The following PCNT variants were observed in gnomAD, a reference collection of about 807,000 sequenced individuals.
PCNT encodes kendrin.
Under a neutral mutation model 380.4 loss-of-function variants are expected in PCNT, and 319 were observed. That is an observed-to-expected ratio of 0.84 (90% CI 0.77 to 0.92). The LOEUF is 0.92. Ranked by LOEUF, PCNT falls within the 40% of genes least tolerant of loss-of-function variation. The probability of loss-of-function intolerance (pLI) is 0.00; values close to 1 mark genes in which losing one functional copy is unlikely to be tolerated. For missense variants in PCNT, 4,400 were observed against 4,255.3 expected (o/e 1.03, Z -0.95); for synonymous variants, 1,845 against 1,735.2 (o/e 1.06, Z -1.57).
In PCNT at chr21:46,351,684, T is replaced by A. The variant is rs192232941; in HGVS notation, c.1456+144T>A. ...GTTTGACATCCTGAAGGTTGAGGTG[T>A]CTGGTTTGAAAGTGGAGGTTTGCTT... On this transcript the variant is annotated intron_variant, in intron 9 of 46. Coordinates refer to ENST00000359568, the MANE Select transcript of PCNT (RefSeq NM_006031.6). 3.8e-4 allele frequency: 269 copies of A among 703,970 alleles called. 1 individual carries two copies. The East Asian group carries it at 6.3e-3, about 17-fold the overall frequency. 43.6% of individuals were successfully genotyped at this position (703,970 alleles called of 1,614,324 possible). A position where few individuals can be genotyped will look rare whatever the true frequency, so the allele number is the denominator to read the frequency against.
At position 46,393,894 on chromosome 21, in the gene PCNT, C is replaced by T. The variant is rs545902776; in HGVS notation, c.4216+2518C>T. On this transcript the variant is annotated intron_variant, in intron 21 of 46. Transcript: ENST00000359568. ...ATAGCCTGGCTGGGCTCCCTGCAGG[C>T]CCCAGGATTGAAGCTGAGGCTTACC... Among the ~76,000 whole-genome samples the T allele has an allele frequency of 2.2e-4, 33 of 152,334 alleles. No homozygotes were observed. In the South Asian group the frequency reaches 5.2e-3, roughly 24 times the overall value.
chr21:46,384,246 G>T (rs1252248481), intron 16 of PCNT, among the ~76,000 whole-genome samples: 1 of 145,378 alleles, frequency 6.9e-6, no homozygotes, highest in South Asian at 2.3e-4. Context: ...TGGCGGAAGC[G>T]CATTCACAGT....
Position 46,356,986 on chromosome 21 carries a change from T to G in PCNT, c.1949T>G (p.Val650Gly), listed in dbSNP as rs767778411. The G allele has an allele frequency of 6.2e-7, 1 of 1,613,866 alleles. No individual in the cohort carries two copies. The highest frequency in any genetic ancestry group is 8.5e-7 in the Non-Finnish European group (1 of 1,179,872). The stretch of plus-strand genomic sequence containing the variant: ...CTTTTCCACACAGAGCTTCCCTGGG[T>G]GCATCTCCAGGGTGTGCAGGACGGG... ...SEGHSQELPW[V>G]HLQGVQDGDL... is the part of the protein sequence containing the mutation. Residue 650 changes from valine to glycine, a missense_variant, in exon 13 of 47, where the codon GTG becomes GGG. Coordinates refer to ENST00000359568, the MANE Select transcript of PCNT (RefSeq NM_006031.6).
rs748317231 is a variant in PCNT at position 46,363,680 on chromosome 21, C to A, written c.2355C>A (p.Ile785=). Residue 785 remains isoleucine, a synonymous_variant, in exon 14 of 47, where the codon ATC becomes ATA. Transcript: ENST00000359568. The part of the protein sequence containing the change: ...REKAESEKQT[I]INKFELREAE... ...AGGCTGAATCCGAGAAACAGACCATCATAAACAAGTTTGAGCTTCGAGAAG... is the reference window on the plus strand; with the variant it reads ...AGGCTGAATCCGAGAAACAGACCATAATAAACAAGTTTGAGCTTCGAGAAG... 6 of 1,614,228 alleles carry A rather than the reference C, an allele frequency of 3.7e-6. No homozygotes were observed. Among genetic ancestry groups the A allele is most frequent in the Non-Finnish European group, 5.1e-6 (6 of 1,180,036 alleles).
At chr21:46,363,415 TTG>T (rs1261657772) in intron 13 of PCNT, 63 bp from the exon 14 acceptor site, 1 of 1,341,428 alleles carries the variant, frequency 7.5e-7, no homozygotes, top group Non-Finnish European at 1.1e-6. Context: ...TGGGTTTGGG[TTG>T]TCTCTTCTAA....
At chr21:46,372,071 C>T (rs1006351020) in intron 15 of PCNT, among the ~76,000 whole-genome samples, 1 of 151,392 alleles carries the variant, frequency 6.6e-6, no homozygotes, top group African/African-American at 2.4e-5. Context: ...AAGGCACATG[C>T]ACACAGCACA....
intron 3 of PCNT, among the ~76,000 whole-genome samples, chr21:46,336,610 C>T (rs1161042819): frequency 3.3e-5 from 5 of 151,912 alleles, no homozygotes; most frequent in Admixed American, 6.6e-5. Context: ...GTTCTGAGTC[C>T]GCTGTTTCTC....
chr21:46,436,848 G>C, intron 39 of PCNT, 131 bp from the exon 40 acceptor site: 4 of 744,068 alleles, frequency 5.4e-6, no homozygotes, highest in Non-Finnish European at 9.4e-6. Flanking sequence ...CTCACGGCTG[G>C]ACGAAGTGAT....
intron 12 of PCNT, 85 bp downstream of exon 12, chr21:46,355,711 C>G: frequency 7.3e-7 from 1 of 1,377,504 alleles, no homozygotes; most frequent in Non-Finnish European, 1.0e-6. Context: ...TGGGTTCGAT[C>G]CAAGTCCTCC....
rs767858824 is a variant in PCNT, at chr21:46,334,427, G to A, written c.298G>A (p.Asp100Asn). The change falls in exon 3 of 47, where the codon GAC becomes AAC. Residue 100 changes from aspartate (D) to asparagine (N), a missense_variant. Coordinates refer to ENST00000359568, the MANE Select transcript of PCNT (RefSeq NM_006031.6). ...PEDCDGEKRE[D>N]LEQLQQKQVN... ...GGACTGTGATGGAGAGAAGAGAGAG[G>A]ACTTGGAACAGCTGCAGCAGAAGCA... 138 of 1,614,080 alleles carry A rather than the reference G, an allele frequency of 8.5e-5. No individual in the cohort carries two copies. The highest frequency in any genetic ancestry group is 1.1e-4 in the Non-Finnish European group (127 of 1,180,044).
rs369107050 is a variant in PCNT at position 46,363,853 on chromosome 21, C to T, written c.2528C>T (p.Pro843Leu). 5.2e-5 allele frequency: 84 copies of T among 1,611,890 alleles called. No homozygotes were observed. Among genetic ancestry groups the T allele is most frequent in the South Asian group, 3.0e-4 (27 of 91,000 alleles). Residue 843 changes from proline to leucine, a missense_variant, in exon 14 of 47, where the codon CCG becomes CTG. Transcript: ENST00000359568. ...CATTGCAGCCAGTGTGGGCGGGAGCCGCCCACAGCCCAGGACGGGGAGCTT... is the reference window on the plus strand; with the variant it reads ...CATTGCAGCCAGTGTGGGCGGGAGCTGCCCACAGCCCAGGACGGGGAGCTT... ...ALHCSQCGRE[P>L]PTAQDGELAA...
At chr21:46,386,875 C>A (rs56034615) in intron 17 of PCNT, among the ~76,000 whole-genome samples, 8,200 of 152,284 alleles carry the variant, frequency 0.054, 332 homozygotes, top group Non-Finnish European at 0.087. Flanking sequence ...TCCCCGTCCC[C>A]TTGTGTGGGT....
In PCNT at chr21:46,411,727, C is replaced by T. The variant is rs140687867; in HGVS notation, c.5654C>T (p.Ala1885Val). 6.2e-6 allele frequency: 10 copies of T among 1,612,164 alleles called. No homozygotes were observed. The highest frequency in any genetic ancestry group is 2.2e-5 in the East Asian group (1 of 44,874). ...LEIDALNQRK[A>V]AHSAELEAVL... ...ATCGACGCTCTGAACCAGCGGAAGG[C>T]GGCCCACTCTGCCGAGCTGGAGGCC... The change falls in exon 28 of 47, where the codon GCG becomes GTG. Residue 1885 changes from alanine to valine, a missense_variant. By Grantham distance (64) the Ala-to-Val change is moderately conservative. Coordinates refer to ENST00000359568, the MANE Select transcript of PCNT (RefSeq NM_006031.6).
intron 27 of PCNT, among the ~76,000 whole-genome samples, chr21:46,406,010 A>T (rs2086610925): frequency 6.6e-6 from 1 of 152,238 alleles, no homozygotes. Flanking sequence ...AAAGAAAAGT[A>T]AAATTCCATT....
chr21:46,378,207 G>A (rs556495389), intron 15 of PCNT, among the ~76,000 whole-genome samples: 3 of 152,168 alleles, frequency 2.0e-5, no homozygotes, highest in Non-Finnish European at 4.4e-5. Context: ...GCCTGAAATC[G>A]TGAATGGTTC....
At position 46,356,758 on chromosome 21, in the gene PCNT, C is replaced by T. The variant is rs111644286; in HGVS notation, c.1937-216C>T. ...CCCAGGACATCCCTGTGACTCGGGA[C>T]GGCACTGTGCTGGGGCAGCATGGAG... On this transcript the variant is annotated intron_variant, in intron 12 of 46. Coordinates refer to ENST00000359568, the MANE Select transcript of PCNT (RefSeq NM_006031.6). 2.8e-4 allele frequency among the ~76,000 whole-genome samples: 43 copies of T among 152,312 alleles called. 2 individuals are homozygous for T. The highest frequency in any genetic ancestry group is 9.6e-4 in the African/African-American group (40 of 41,578).
In PCNT at chr21:46,386,007, G is replaced by A. The variant is rs2085819290; in HGVS notation, c.3464+24G>A. On this transcript the variant is annotated intron_variant, in intron 17 of 46. Transcript: ENST00000359568. The stretch of plus-strand genomic sequence containing the variant: ...AGGTCAGTGTGTCCTCGGCACCGAG[G>A]CTGCCTTGTGGCCGCCAGCACCCGC... 4.3e-6 allele frequency: 7 copies of A among 1,612,986 alleles called. No individual in the cohort carries two copies. The East Asian group carries it at 1.3e-4, about 31-fold the overall frequency.
intron 2 of PCNT, among the ~76,000 whole-genome samples, chr21:46,332,980 G>A (rs1240075052): frequency 6.6e-6 from 1 of 152,184 alleles, no homozygotes; most frequent in Non-Finnish European, 1.5e-5. Flanking sequence ...GGGCACAGTG[G>A]CGCATGCCAG....
At chr21:46,408,070 A>C (rs2086672066) in intron 27 of PCNT, among the ~76,000 whole-genome samples, 2 of 152,230 alleles carry the variant, frequency 1.3e-5, no homozygotes, top group South Asian at 4.1e-4. Flanking sequence ...AAATTTTGAA[A>C]AAAGGATTTA....
Sources: gnomAD v4.1 joint callset for allele counts (sites outside exome capture counted in the v4.1 genomes callset) on GRCh38, gnomAD v4.1.1 for gene constraint, MANE v1.5 for transcripts, NCBI Gene and HGNC (gene_info 2026-07-23, HGNC 2026-07-21) for gene names.